AGBL4: variants seen among roughly 807,000 people sequenced by gnomAD.
AGBL4 encodes the protein cytosolic carboxypeptidase 6.
Under a neutral mutation model 66.4 loss-of-function variants are expected in AGBL4, and 58 were observed. The observed-to-expected ratio is 0.87, with a 90% CI of 0.71 to 1.09. AGBL4 has a LOEUF of 1.09. AGBL4 is among the 50% of genes least tolerant of loss of function. The pLI, the probability that AGBL4 is intolerant of heterozygous loss-of-function variation, is 0.00. For synonymous variants in AGBL4, 234 were observed against 222.9 expected, an observed-to-expected ratio of 1.05 and a Z score of -0.44; for missense variants, 579 against 631.0, an observed-to-expected ratio of 0.92 and a Z score of 0.88.
At position 49,792,903 on chromosome 1, in the gene AGBL4, T is replaced by C. The variant is rs371267231; in HGVS notation, c.157+58493A>G. 1.3e-4 allele frequency among the ~76,000 whole-genome samples: 20 copies of C among 152,206 alleles called. No individual in the cohort carries two copies. In the East Asian group the frequency reaches 3.7e-3, roughly 28 times the overall value. The stretch of plus-strand genomic sequence containing the variant: ...TTAGACTCATAAATGTGGGTAAATC[T>C]TTCTAGACTCAAATTTCTTATTTGT... On this transcript the variant is annotated intron_variant, in intron 2 of 13. Transcript: ENST00000371839.
chr1:48,903,519 G>A (rs1249990460), intron 5 of AGBL4, among the ~76,000 whole-genome samples: 2 of 152,226 alleles, frequency 1.3e-5, no homozygotes, highest in Non-Finnish European at 2.9e-5. Context: ...AGCTCAATGG[G>A]AGACTCTTAA....
intron 4 of AGBL4, among the ~76,000 whole-genome samples, chr1:49,167,866 G>C (rs1646662280): frequency 1.3e-5 from 2 of 152,056 alleles, no homozygotes; most frequent in Non-Finnish European, 1.5e-5. Context: ...GTTCTCTGCA[G>C]GTTCTGCATC....
intron 1 of AGBL4, among the ~76,000 whole-genome samples, chr1:49,883,326 C>A (rs1647627037): frequency 6.6e-6 from 1 of 152,080 alleles, no homozygotes; most frequent in African/African-American, 2.4e-5. Context: ...TCCTACCCAA[C>A]CTGTAGACGT....
At position 49,935,287 on chromosome 1, in the gene AGBL4, G is replaced by A. The variant is rs544229403; in HGVS notation, c.35-83769C>T. Among the ~76,000 whole-genome samples, 11 of 152,314 alleles carry A rather than the reference G, an allele frequency of 7.2e-5. No individual in the cohort carries two copies. In the East Asian group the frequency reaches 9.7e-4, roughly 13 times the overall value. On this transcript the variant is annotated intron_variant, in intron 1 of 13. Coordinates refer to ENST00000371839, the MANE Select transcript of AGBL4 (RefSeq NM_032785.4). Reference sequence around the variant, plus strand: ...GCGGCAGCAAGGCTGGGGGAGGGGCGCCCGCCATTGCCCAGGCTTGCTTAG... The same window carrying A: ...GCGGCAGCAAGGCTGGGGGAGGGGCACCCGCCATTGCCCAGGCTTGCTTAG...
intron 11 of AGBL4, among the ~76,000 whole-genome samples, chr1:48,570,403 G>A: frequency 6.6e-6 from 1 of 152,216 alleles, no homozygotes; most frequent in East Asian, 1.9e-4. Flanking sequence ...AGGTGGGACA[G>A]GGCAGGTGAA....
chr1:49,863,259 A>G (rs1646618683), intron 1 of AGBL4, among the ~76,000 whole-genome samples: 1 of 152,172 alleles, frequency 6.6e-6, no homozygotes, highest in Non-Finnish European at 1.5e-5. Context: ...CTAGACCCCT[A>G]TCTCTCACCA....
At chr1:48,729,089 G>C (rs1174126074) in intron 6 of AGBL4, among the ~76,000 whole-genome samples, 4 of 152,088 alleles carry the variant, frequency 2.6e-5, no homozygotes, top group Non-Finnish European at 4.4e-5. Context: ...CATAAATAAG[G>C]ATAACAAACT....
intron 2 of AGBL4, among the ~76,000 whole-genome samples, chr1:49,733,867 G>A (rs1020900723): frequency 6.6e-6 from 1 of 152,046 alleles, no homozygotes. Flanking sequence ...ATAATAGACT[G>A]CAAAATTTTT....
intron 3 of AGBL4, among the ~76,000 whole-genome samples, chr1:49,370,400 T>A (rs1174762875): frequency 6.6e-6 from 1 of 151,968 alleles, no homozygotes; most frequent in Non-Finnish European, 1.5e-5. Context: ...TCTGGCAGGA[T>A]TTCTATGTTA....
At chr1:48,667,725 A>G (rs763529849) in intron 6 of AGBL4, among the ~76,000 whole-genome samples, 1 of 152,210 alleles carries the variant, frequency 6.6e-6, no homozygotes, top group Non-Finnish European at 1.5e-5. Flanking sequence ...CTGACTTTCA[A>G]TGAGGACCAA....
intron 4 of AGBL4, among the ~76,000 whole-genome samples, chr1:49,098,931 G>A (rs1344239138): frequency 3.9e-5 from 6 of 152,194 alleles, no homozygotes; most frequent in Non-Finnish European, 8.8e-5. Flanking sequence ...CTGTGTGTCT[G>A]TTTTGCTATT....
chr1:49,381,356 G>C (rs1383491100), intron 3 of AGBL4, among the ~76,000 whole-genome samples: 1 of 152,194 alleles, frequency 6.6e-6, no homozygotes, highest in African/African-American at 2.4e-5. Flanking sequence ...ACAGGTGCTG[G>C]AGAGGATGTG....
chr1:49,837,676 T>C (rs916971441), intron 2 of AGBL4, among the ~76,000 whole-genome samples: 1 of 152,090 alleles, frequency 6.6e-6, no homozygotes, highest in Admixed American at 6.6e-5. Context: ...AAACCCCGTC[T>C]CTACTAAAAA....
At chr1:49,110,347 C>T (rs1557648524) in intron 4 of AGBL4, among the ~76,000 whole-genome samples, 1 of 152,208 alleles carries the variant, frequency 6.6e-6, no homozygotes, top group Non-Finnish European at 1.5e-5. Context: ...TATCAGTCTG[C>T]ACACAACTGT....
chr1:49,353,179 C>T (rs954027468), intron 3 of AGBL4, among the ~76,000 whole-genome samples: 3 of 152,082 alleles, frequency 2.0e-5, no homozygotes, highest in Admixed American at 6.5e-5. Context: ...TGCTCTAGTC[C>T]GTCTCTGCTG....
intron 11 of AGBL4, among the ~76,000 whole-genome samples, chr1:48,559,443 G>T (rs1013044098): frequency 1.3e-5 from 2 of 152,026 alleles, no homozygotes; most frequent in Admixed American, 1.3e-4. Flanking sequence ...CATCAGCATG[G>T]TGTAGTAGAA....
At chr1:49,250,042 GA>G (rs1457284660) in intron 3 of AGBL4, among the ~76,000 whole-genome samples, 2 of 152,176 alleles carry the variant, frequency 1.3e-5, no homozygotes, top group Admixed American at 1.3e-4. Context: ...TAGAGGTAGA[GA>G]ATAGAATGCT....
At chr1:49,334,072 A>G (rs1645387338) in intron 3 of AGBL4, among the ~76,000 whole-genome samples, 2 of 152,202 alleles carry the variant, frequency 1.3e-5, no homozygotes, top group Admixed American at 1.3e-4. Flanking sequence ...ATGAGTAATA[A>G]TTATAATTAT....
At chr1:49,242,647 A>G (rs1651327205) in intron 4 of AGBL4, among the ~76,000 whole-genome samples, 1 of 152,004 alleles carries the variant, frequency 6.6e-6, no homozygotes, top group African/African-American at 2.4e-5. Context: ...AGTTATGAGC[A>G]TCAGAAACCT....
Sources: gnomAD v4.1 joint callset for allele counts (sites outside exome capture counted in the v4.1 genomes callset) on GRCh38, gnomAD v4.1.1 for gene constraint, MANE v1.5 for transcripts, NCBI Gene and HGNC (gene_info 2026-07-23, HGNC 2026-07-21) for gene names.